PRR27: variants seen among roughly 807,000 people sequenced by gnomAD.
PRR27 encodes proline-rich protein 27.
PRR27 carries 12 observed loss-of-function variants against 16.8 expected under a neutral mutation model. That is an observed-to-expected ratio of 0.71 (90% CI 0.46 to 1.16). The LOEUF (loss-of-function observed/expected upper bound fraction) is 1.16, where lower values mean the gene tolerates loss of function less well. Ranked by LOEUF, PRR27 falls within the 50% of genes most tolerant of loss-of-function variation. The pLI is 0.00. For missense variants in PRR27, 277 were observed against 273.3 expected, an observed-to-expected ratio of 1.01 and a Z score of -0.10; for synonymous variants, 100 against 98.4, an observed-to-expected ratio of 1.02 and a Z score of -0.10.
At chr4:70,155,209 T>C (rs1313846946) in intron 1 of PRR27, among the ~76,000 whole-genome samples, 1 of 152,148 alleles carries the variant, frequency 6.6e-6, no homozygotes, top group Non-Finnish European at 1.5e-5. Flanking sequence ...AAATAATAAG[T>C]GATGATTTTC....
intron 3 of PRR27, among the ~76,000 whole-genome samples, chr4:70,160,059 C>A (rs1728604064): frequency 6.6e-6 from 1 of 151,902 alleles, no homozygotes; most frequent in Admixed American, 6.6e-5. Flanking sequence ...ATTTTAGATA[C>A]AGGGATTACA....
At chr4:70,158,219 G>C (rs1408474813) in intron 2 of PRR27, 109 bp from the exon 3 acceptor site, 1 of 735,058 alleles carries the variant, frequency 1.4e-6, no homozygotes, top group African/African-American at 1.8e-5. Context: ...TAAGACATTG[G>C]AATTCTTTCA....
chr4:70,158,713 T>C lies in PRR27; in HGVS notation c.461T>C (p.Val154Ala), dbSNP rs1250114545. The change falls in exon 3 of 5, where the codon GTT (valine) becomes GCT (alanine). Residue 154 changes from valine (V) to alanine (A), a missense_variant. Transcript: ENST00000344526. ...VAAEPAAGAP[V>A]AAEPAAEAPV... ...GCTGAGCCTGCTGCAGGGGCCCCTGTTGCAGCTGAGCCTGCTGCAGAGGCA... is the reference window on the plus strand; with the variant it reads ...GCTGAGCCTGCTGCAGGGGCCCCTGCTGCAGCTGAGCCTGCTGCAGAGGCA... 16 of 1,581,226 alleles carry C rather than the reference T, an allele frequency of 1.0e-5. No individual in the cohort carries two copies. Among genetic ancestry groups the C allele is most frequent in the Non-Finnish European group, 1.3e-5 (15 of 1,155,534 alleles).
intron 3 of PRR27, among the ~76,000 whole-genome samples, chr4:70,159,197 GT>G (rs1205411130): frequency 4.6e-5 from 7 of 152,054 alleles, no homozygotes; most frequent in Non-Finnish European, 8.8e-5. Flanking sequence ...TCCCTGGGCT[GT>G]TTTTTGTCAC....
intron 2 of PRR27, 50 bp from the exon 3 acceptor site, chr4:70,158,278 T>C (rs1453412234): frequency 7.3e-6 from 8 of 1,092,898 alleles, no homozygotes; most frequent in East Asian, 2.5e-5. Context: ...ATAAGTAATA[T>C]ATAGACAGGA....
At position 70,160,443 on chromosome 4, in the gene PRR27, C is replaced by CTGTGTGTGTGTGTGTGTG. The variant is rs71210150; in HGVS notation, c.649-1129_649-1112dup. Reference sequence around the variant, plus strand: ...TCTCTCTCTCTCTCTCTCTCTCTCTCTGTGTGTGTGTGTGTGTGTGTGTGT... The same window carrying CTGTGTGTGTGTGTGTGTG: ...TCTCTCTCTCTCTCTCTCTCTCTCTCTGTGTGTGTGTGTGTGTGTGTGTGTGTGTGTGTGTGTGTGTGT... On this transcript the variant is annotated intron_variant, in intron 3 of 4. Coordinates refer to ENST00000344526, the MANE Select transcript of PRR27 (RefSeq NM_214711.4). Among the ~76,000 whole-genome samples, 73 of 68,698 alleles carry CTGTGTGTGTGTGTGTGTG rather than the reference C, an allele frequency of 1.1e-3. 3 individuals carry two copies. The highest frequency in any genetic ancestry group is 3.6e-3 in the African/African-American group (73 of 20,428). 45.1% of individuals were successfully genotyped at this position (68,698 alleles called of 152,430 possible).
At position 70,165,525 on chromosome 4, in the gene PRR27, A is replaced by T. The variant is rs1007654486; in HGVS notation, c.*2864A>T. On this transcript the variant is annotated 3_prime_UTR_variant, in exon 5 of 5. Coordinates refer to ENST00000344526, the MANE Select transcript of PRR27 (RefSeq NM_214711.4). ...AGGGTAATTCATTCTACTTTTAAAA[A>T]TGATTTTTCCACCTCTAATGTATTC... The T allele has an allele frequency of 1.3e-5, 2 of 152,094 alleles. No homozygotes were observed. The highest frequency in any genetic ancestry group is 1.9e-4 in the East Asian group (1 of 5,194). The allele number at this position is 152,094 out of a possible 1,614,324, so 9.4% of individuals were successfully genotyped here.
rs182632991 is a variant in PRR27, at chr4:70,166,056, G to A, written c.*3395G>A. ...AAAGAGTTTTATGAGTTTTAAAAAT[G>A]TATATAAACAAGACATATAATAAAT... On this transcript the variant is annotated 3_prime_UTR_variant, in exon 5 of 5. Coordinates refer to ENST00000344526, the MANE Select transcript of PRR27 (RefSeq NM_214711.4). 2.6e-5 allele frequency: 4 copies of A among 152,072 alleles called. No homozygotes were observed. In the East Asian group the frequency reaches 5.8e-4, roughly 22 times the overall value. The allele number at this position is 152,072 out of a possible 1,614,324, so 9.4% of individuals were successfully genotyped here. A position where few individuals can be genotyped will look rare whatever the true frequency, so the allele number is the denominator to read the frequency against.
At chr4:70,161,471 C>G in intron 3 of PRR27, 115 bp from the exon 4 acceptor site, 1 of 591,772 alleles carries the variant, frequency 1.7e-6, no homozygotes, top group South Asian at 2.8e-5. Flanking sequence ...AAGAAGAGAT[C>G]AGCAAAACAC....
In PRR27 at chr4:70,156,077, G is replaced by A. The variant is rs1314368594; in HGVS notation, c.75G>A (p.Glu25=). The change falls in exon 2 of 5, where the codon GAG becomes GAA. Residue 25 remains glutamate, a splice_region_variant and synonymous_variant. Transcript: ENST00000344526. ...AGAGACGGTTCCCCTTCATTGGTGAGGTAAAACTTTTTTTTCTTTACACGC... is the reference window on the plus strand; with the variant it reads ...AGAGACGGTTCCCCTTCATTGGTGAAGTAAAACTTTTTTTTCTTTACACGC... The part of the protein sequence containing the change: ...ARKRRFPFIG[E]DDNDDGHPLH... 1.2e-5 allele frequency: 17 copies of A among 1,419,630 alleles called. No individual in the cohort carries two copies. The highest frequency in any genetic ancestry group is 1.6e-5 in the Non-Finnish European group (17 of 1,062,568). The allele number at this position is 1,419,630 out of a possible 1,614,324, so 87.9% of individuals were successfully genotyped here.
At position 70,161,081 on chromosome 4, in the gene PRR27, G is replaced by A. The variant is rs569287984; in HGVS notation, c.649-505G>A. Among the ~76,000 whole-genome samples the A allele has an allele frequency of 9.1e-4, 135 of 148,876 alleles. 3 individuals carry two copies. The South Asian group carries it at 0.028, about 31-fold the overall frequency. ...AGGCTTGTTCTCCAATGCTTCCAAT[G>A]CTTCACACATTAAATATGTTCATTC... is the stretch of plus-strand genomic sequence containing the variant. On this transcript the variant is annotated intron_variant, in intron 3 of 4. Coordinates refer to ENST00000344526, the MANE Select transcript of PRR27 (RefSeq NM_214711.4).
chr4:70,164,077 C>T lies in PRR27; in HGVS notation c.*1416C>T, dbSNP rs1578223534. On this transcript the variant is annotated 3_prime_UTR_variant, in exon 5 of 5. Transcript: ENST00000344526. ...CAACCCAGTGCTTTTTGTTCTATTA[C>T]TGACTTCTTTTCCTTGTAGAAGTTA... The T allele has an allele frequency of 6.6e-6, 1 of 152,250 alleles. No homozygotes were observed. Among genetic ancestry groups the T allele is most frequent in the African/African-American group, 2.4e-5 (1 of 41,542 alleles). 9.4% of individuals were successfully genotyped at this position (152,250 alleles called of 1,614,324 possible).
At position 70,164,697 on chromosome 4, in the gene PRR27, A is replaced by C. The variant is rs1453176109; in HGVS notation, c.*2036A>C. 6.6e-6 allele frequency: 1 copy of C among 152,092 alleles called. No homozygotes were observed. Among genetic ancestry groups the C allele is most frequent in the African/African-American group, 2.4e-5 (1 of 41,434 alleles). 9.4% of individuals were successfully genotyped at this position (152,092 alleles called of 1,614,324 possible). A position where few individuals can be genotyped will look rare whatever the true frequency, so the allele number is the denominator to read the frequency against. On this transcript the variant is annotated 3_prime_UTR_variant, in exon 5 of 5. Coordinates refer to ENST00000344526, the MANE Select transcript of PRR27 (RefSeq NM_214711.4). ...GGCTTTTTGTGTGAATTGAAGACTTAAAGAAGAATTTGTAAATATGACTGT... is the reference window on the plus strand; with the variant it reads ...GGCTTTTTGTGTGAATTGAAGACTTCAAGAAGAATTTGTAAATATGACTGT...
At position 70,164,050 on chromosome 4, in the gene PRR27, T is replaced by C. The variant is rs1227499314; in HGVS notation, c.*1389T>C. 2 of 152,196 alleles carry C rather than the reference T, an allele frequency of 1.3e-5. No homozygotes were observed. Among genetic ancestry groups the C allele is most frequent in the African/African-American group, 4.8e-5 (2 of 41,454 alleles). 9.4% of individuals were successfully genotyped at this position (152,196 alleles called of 1,614,324 possible). A position where few individuals can be genotyped will look rare whatever the true frequency, so the allele number is the denominator to read the frequency against. The stretch of plus-strand genomic sequence containing the variant: ...ACTCTATCTAAATAAATCCCTCTTC[T>C]GCAACCCAGTGCTTTTTGTTCTATT... On this transcript the variant is annotated 3_prime_UTR_variant, in exon 5 of 5. Transcript: ENST00000344526.
Position 70,158,545 on chromosome 4 carries a change from A to C in PRR27, c.293A>C (p.Gln98Pro). 2 of 1,614,050 alleles carry C rather than the reference A, an allele frequency of 1.2e-6. No individual in the cohort carries two copies. Among genetic ancestry groups the C allele is most frequent in the Non-Finnish European group, 1.7e-6 (2 of 1,179,972 alleles). The stretch of plus-strand genomic sequence containing the variant: ...ATCCGTGGTTTTCCCTTAGCTACTC[A>C]GTTGAATGTTCCTCCTCTCCCTCCT... ...YHIRGFPLAT[Q>P]LNVPPLPPRG... Residue 98 changes from glutamine (Q) to proline (P), a missense_variant, in exon 3 of 5, where the codon CAG (glutamine) becomes CCG (proline). Transcript: ENST00000344526.
intron 1 of PRR27, chr4:70,154,655 C>T: frequency 3.2e-6 from 3 of 944,660 alleles, no homozygotes; most frequent in Non-Finnish European, 4.8e-6. Flanking sequence ...GAGGTAAGTT[C>T]ATAAATGTAG....
rs34317377 is a variant in PRR27, at chr4:70,158,293, T to TATAA, written c.76-34_76-33insTAAA. ...ATAAGTAATATATAGACAGGACAAA[T>TATAA]ACAATCAACTTCGACTTCTTTGTTT... On this transcript the variant is annotated intron_variant, in intron 2 of 4. Coordinates refer to ENST00000344526, the MANE Select transcript of PRR27 (RefSeq NM_214711.4). 9.5e-6 allele frequency: 13 copies of TATAA among 1,372,710 alleles called. No homozygotes were observed. In the African/African-American group the frequency reaches 1.6e-4, roughly 17 times the overall value. The allele number at this position is 1,372,710 out of a possible 1,614,324, so 85.0% of individuals were successfully genotyped here.
intron 3 of PRR27, among the ~76,000 whole-genome samples, chr4:70,161,207 C>T (rs1236073734): frequency 7.5e-5 from 9 of 119,564 alleles, no homozygotes; most frequent in Non-Finnish European, 1.0e-4. Context: ...TACACGTATA[C>T]ATATATATAT....
intron 1 of PRR27, 33 bp from the exon 2 acceptor site, chr4:70,156,021 A>T: frequency 7.4e-7 from 1 of 1,354,382 alleles, no homozygotes; most frequent in Non-Finnish European, 1.0e-6. Context: ...TCAAATACAT[A>T]ACCGCATTAA....
Sources: gnomAD v4.1 joint callset for allele counts (sites outside exome capture counted in the v4.1 genomes callset) on GRCh38, gnomAD v4.1.1 for gene constraint, MANE v1.5 for transcripts, NCBI Gene and HGNC (gene_info 2026-07-23, HGNC 2026-07-21) for gene names.